Variants in UPK3A observed in about 807,000 individuals in gnomAD.
UPK3A encodes uroplakin 3A.
Under a neutral mutation model 27.6 loss-of-function variants are expected in UPK3A, and 32 were observed. That is an observed-to-expected ratio of 1.16 (90% CI 0.87 to 1.55). The LOEUF (loss-of-function observed/expected upper bound fraction) is 1.55. Among genes scored for constraint, UPK3A ranks in the 40% most tolerant of loss-of-function variants. UPK3A has a pLI of 0.00. For missense variants in UPK3A, 370 were observed against 367.9 expected, an observed-to-expected ratio of 1.01 and a Z score of -0.05; for synonymous variants, 171 against 163.9, an observed-to-expected ratio of 1.04 and a Z score of -0.33.
chr22:45,289,565 G>A (rs568726681), intron 4 of UPK3A, among the ~76,000 whole-genome samples: 5 of 137,640 alleles, frequency 3.6e-5, no homozygotes, highest in South Asian at 4.8e-4. Context: ...GCGACAGAGT[G>A]AGACTCCGTC....
chr22:45,295,864 G>A lies in UPK3A; in HGVS notation c.*145G>A, dbSNP rs1284015677. On this transcript the variant is annotated 3_prime_UTR_variant, in exon 6 of 6. Coordinates refer to ENST00000216211, the MANE Select transcript of UPK3A (RefSeq NM_006953.4). ...AGGAAAACCCTTAATAAAATCTTCTGATGAGTTCTAGTTCAGTAACTACTT... is the reference window on the plus strand; with the variant it reads ...AGGAAAACCCTTAATAAAATCTTCTAATGAGTTCTAGTTCAGTAACTACTT... The A allele has an allele frequency of 2.1e-6, 2 of 931,824 alleles. No homozygotes were observed. The highest frequency in any genetic ancestry group is 3.3e-6 in the Non-Finnish European group (2 of 604,214). 57.7% of individuals were successfully genotyped at this position (931,824 alleles called of 1,614,324 possible).
At chr22:45,291,689 T>C (rs1026354621) in intron 4 of UPK3A, among the ~76,000 whole-genome samples, 6 of 149,876 alleles carry the variant, frequency 4.0e-5, no homozygotes, top group African/African-American at 1.5e-4. Flanking sequence ...ATGTGTGGTG[T>C]CTGGTGTGTG....
Position 45,295,848 on chromosome 22 carries a change from C to A in UPK3A, c.*129C>A. ...TTGTCCCTCCAACTGCAGGAAAACC[C>A]TTAATAAAATCTTCTGATGAGTTCT... On this transcript the variant is annotated 3_prime_UTR_variant, in exon 6 of 6. Coordinates refer to ENST00000216211, the MANE Select transcript of UPK3A (RefSeq NM_006953.4). 1 of 1,105,488 alleles carries A rather than the reference C, an allele frequency of 9.0e-7. No homozygotes were observed. The highest frequency in any genetic ancestry group is 1.3e-5 in the South Asian group (1 of 75,370). The allele number at this position is 1,105,488 out of a possible 1,614,324, so 68.5% of individuals were successfully genotyped here.
Position 45,287,157 on chromosome 22 carries a change from G to T in UPK3A, c.209-15G>T. On this transcript the variant is annotated splice_polypyrimidine_tract_variant and intron_variant, in intron 2 of 5. Coordinates refer to ENST00000216211, the MANE Select transcript of UPK3A (RefSeq NM_006953.4). Reference sequence around the variant, plus strand: ...GGAGTGGCCAGAAGCCTGACTCCCTGCACCGCCTCTGCAGCCATTTCCAGG... The same window carrying T: ...GGAGTGGCCAGAAGCCTGACTCCCTTCACCGCCTCTGCAGCCATTTCCAGG... 1 of 1,613,764 alleles carries T rather than the reference G, an allele frequency of 6.2e-7. No homozygotes were observed. Among genetic ancestry groups the T allele is most frequent in the Non-Finnish European group, 8.5e-7 (1 of 1,180,020 alleles).
intron 4 of UPK3A, among the ~76,000 whole-genome samples, chr22:45,291,910 T>C (rs111312772): frequency 4.0e-4 from 60 of 151,364 alleles, no homozygotes; most frequent in Middle Eastern, 3.5e-3. Flanking sequence ...GTATGTGTGG[T>C]GTGTGGTGTG....
Position 45,295,671 on chromosome 22 carries a change from G to A in UPK3A, c.816G>A (p.Gly272=), listed in dbSNP as rs1360321209. 2.5e-6 allele frequency: 4 copies of A among 1,613,544 alleles called. No individual in the cohort carries two copies. Among genetic ancestry groups the A allele is most frequent in the Admixed American group, 3.3e-5 (2 of 59,994 alleles). Residue 272 remains glycine (G), a synonymous_variant, in exon 6 of 6, where the codon GGG becomes GGA. Transcript: ENST00000216211. ...CTTCCTACACGTCCGTGAACCGGGG[G>A]CCGCCACTGGACAGGGCTGAGGTGT... is the stretch of plus-strand genomic sequence containing the variant. The part of the protein sequence containing the change: ...SESSYTSVNR[G]PPLDRAEVYS...
intron 5 of UPK3A, among the ~76,000 whole-genome samples, chr22:45,294,729 T>G (rs894245810): frequency 8.5e-5 from 13 of 152,164 alleles, no homozygotes; most frequent in African/African-American, 3.1e-4. Flanking sequence ...TTTTTCCATG[T>G]ATCCCTCTTG....
rs138491371 is a variant in UPK3A, at chr22:45,290,214, G to A, written c.571+1071G>A. Among the ~76,000 whole-genome samples the A allele has an allele frequency of 6.3e-3, 955 of 152,248 alleles. 15 individuals carry two copies. The highest frequency in any genetic ancestry group is 0.022 in the African/African-American group (910 of 41,546). On this transcript the variant is annotated intron_variant, in intron 4 of 5. Coordinates refer to ENST00000216211, the MANE Select transcript of UPK3A (RefSeq NM_006953.4). ...TGCTGAATGACAGGGGCCACGCCAG[G>A]GTCTTTGATGGTAATTTTGGGCAAA...
At chr22:45,293,460 G>A in intron 5 of UPK3A, 147 bp downstream of exon 5, 1 of 1,045,220 alleles carries the variant, frequency 9.6e-7, no homozygotes, top group Non-Finnish European at 1.4e-6. Flanking sequence ...GGGGTCTGGT[G>A]AAGAGGGAGC....
chr22:45,293,662 T>C (rs574191465), intron 5 of UPK3A, among the ~76,000 whole-genome samples: 62 of 152,180 alleles, frequency 4.1e-4, no homozygotes, highest in Non-Finnish European at 7.9e-4. Flanking sequence ...AAAATGGAAA[T>C]AATAAATATT....
At chr22:45,290,408 G>A (rs191771303) in intron 4 of UPK3A, among the ~76,000 whole-genome samples, 2 of 152,316 alleles carry the variant, frequency 1.3e-5, no homozygotes, top group Admixed American at 6.5e-5. Context: ...GAAGTCACAC[G>A]CGAGTGGGTG....
At chr22:45,288,972 C>G in intron 3 of UPK3A, 89 bp from the exon 4 acceptor site, 1 of 1,335,912 alleles carries the variant, frequency 7.5e-7, no homozygotes, top group Non-Finnish European at 1.1e-6. Context: ...CGTCTCCCAC[C>G]CCTAGGCCAT....
At chr22:45,291,742 C>CTG (rs943236324) in intron 4 of UPK3A, among the ~76,000 whole-genome samples, 2 of 94,708 alleles carry the variant, frequency 2.1e-5, no homozygotes, top group Non-Finnish European at 4.2e-5. Context: ...GTGTGTGTAA[C>CTG]TGTGTGTGTG....
At chr22:45,292,745 A>C (rs1271571322) in intron 4 of UPK3A, among the ~76,000 whole-genome samples, 1 of 152,018 alleles carries the variant, frequency 6.6e-6, no homozygotes, top group Non-Finnish European at 1.5e-5. Flanking sequence ...CTCTACAAAA[A>C]AAAGTACAAC....
At chr22:45,292,846 T>G (rs540627050) in intron 4 of UPK3A, among the ~76,000 whole-genome samples, 1 of 151,234 alleles carries the variant, frequency 6.6e-6, no homozygotes, top group East Asian at 1.9e-4. Context: ...AGTTTGAGGC[T>G]GCAGTGAGCC....
At chr22:45,287,628 C>T (rs950515701) in intron 3 of UPK3A, among the ~76,000 whole-genome samples, 177 bp downstream of exon 3, 5 of 152,252 alleles carry the variant, frequency 3.3e-5, no homozygotes, top group East Asian at 1.9e-4. Context: ...CTTGGATTGA[C>T]GCTCTGCAAC....
intron 3 of UPK3A, among the ~76,000 whole-genome samples, chr22:45,287,715 T>A (rs1182404072): frequency 6.6e-6 from 1 of 152,098 alleles, no homozygotes; most frequent in Non-Finnish European, 1.5e-5. Flanking sequence ...CAGGCTGGAG[T>A]ACAGTGACAC....
chr22:45,287,034 A>G, intron 2 of UPK3A, 138 bp from the exon 3 acceptor site: 1 of 1,289,248 alleles, frequency 7.8e-7, no homozygotes, highest in Admixed American at 1.7e-5. Flanking sequence ...GCAGAGACTA[A>G]GTTTGCCCCA....
At chr22:45,290,083 C>A (rs2084149630) in intron 4 of UPK3A, among the ~76,000 whole-genome samples, 2 of 152,244 alleles carry the variant, frequency 1.3e-5, no homozygotes, top group South Asian at 4.1e-4. Context: ...TCCTTCCCTG[C>A]ACACCTACTC....
Sources: gnomAD v4.1 joint callset for allele counts (sites outside exome capture counted in the v4.1 genomes callset) on GRCh38, gnomAD v4.1.1 for gene constraint, MANE v1.5 for transcripts, NCBI Gene and HGNC (gene_info 2026-07-23, HGNC 2026-07-21) for gene names.